Variants in SMARCAD1 observed in about 807,000 individuals in gnomAD.
SMARCAD1 encodes the protein SWI/SNF-related matrix-associated actin-dependent regulator of chromatin subfamily A containing DEAD/H box 1.
In SMARCAD1, 25 loss-of-function variants were observed where a neutral mutation model predicts 127.1. The ratio of observed to expected loss-of-function variants is 0.20; its 90% CI spans 0.14 to 0.27. The LOEUF (loss-of-function observed/expected upper bound fraction) is 0.27, where lower values mean the gene tolerates loss of function less well. Among genes scored for constraint, SMARCAD1 ranks in the 10% least tolerant of loss-of-function variants. The pLI is 1.00. For missense variants in SMARCAD1, 807 were observed against 1,206.0 expected (o/e 0.67, Z 4.90); for synonymous variants, 400 against 396.9 (o/e 1.01, Z -0.09).
At chr4:94,243,610 T>C (rs1747945860) in intron 6 of SMARCAD1, among the ~76,000 whole-genome samples, 1 of 152,208 alleles carries the variant, frequency 6.6e-6, no homozygotes, top group African/African-American at 2.4e-5. Context: ...CCAGTGTTAA[T>C]ACATTAGAGA....
Position 94,291,051 on chromosome 4 carries a change from C to A in SMARCAD1, c.*1517C>A, listed in dbSNP as rs887018678. On this transcript the variant is annotated 3_prime_UTR_variant, in exon 24 of 24. Coordinates refer to ENST00000354268, the MANE Select transcript of SMARCAD1 (RefSeq NM_020159.5). ...GAGTCTTCATGTGTTAATACTACCT[C>A]CTTGTACATCACTATACCCAAATCA... The A allele has an allele frequency of 2.3e-6, 1 of 441,976 alleles. No individual in the cohort carries two copies. Among genetic ancestry groups the A allele is most frequent in the South Asian group, 1.6e-5 (1 of 61,378 alleles). The allele number at this position is 441,976 out of a possible 1,614,324, so 27.4% of individuals were successfully genotyped here. A position where few individuals can be genotyped will look rare whatever the true frequency, so the allele number is the denominator to read the frequency against.
At chr4:94,249,901 A>G in intron 7 of SMARCAD1, 146 bp downstream of exon 7, 1 of 628,792 alleles carries the variant, frequency 1.6e-6, no homozygotes, top group Non-Finnish European at 2.9e-6. Context: ...GTTATAAAGT[A>G]TTTTCATACT....
intron 6 of SMARCAD1, among the ~76,000 whole-genome samples, chr4:94,242,950 C>G (rs1747823631): frequency 6.6e-6 from 1 of 152,108 alleles, no homozygotes; most frequent in South Asian, 2.1e-4. Context: ...TTTCTTCCCT[C>G]TTTATCAGGT....
At chr4:94,249,974 T>TA (rs1749036575) in intron 7 of SMARCAD1, among the ~76,000 whole-genome samples, 1 of 151,958 alleles carries the variant, frequency 6.6e-6, no homozygotes, top group Admixed American at 6.6e-5. Context: ...CCTAAGTCAT[T>TA]AAAAAATAAC....
Position 94,283,175 on chromosome 4 carries a change from A to G in SMARCAD1, c.2781A>G (p.Leu927=), listed in dbSNP as rs776700712. 1 of 1,613,786 alleles carries G rather than the reference A, an allele frequency of 6.2e-7. No homozygotes were observed. Among genetic ancestry groups the G allele is most frequent in the East Asian group, 2.2e-5 (1 of 44,780 alleles). Residue 927 remains leucine (L), a synonymous_variant, in exon 22 of 24, where the codon CTA becomes CTG. Coordinates refer to ENST00000354268, the MANE Select transcript of SMARCAD1 (RefSeq NM_020159.5). ...NTDMDIFVFL[L]STKAGGLGIN... ...ATATGGATATCTTTGTGTTTCTGCT[A>G]TCAACAAAAGCTGGTGGATTAGGAA... is the stretch of plus-strand genomic sequence containing the variant.
intron 2 of SMARCAD1, among the ~76,000 whole-genome samples, chr4:94,209,357 A>G (rs1006370984): frequency 1.3e-5 from 2 of 152,256 alleles, no homozygotes; most frequent in African/African-American, 4.8e-5. Flanking sequence ...CAGAGAGGTT[A>G]TTAGGAACTT....
chr4:94,252,702 A>G lies in SMARCAD1; in HGVS notation c.976A>G (p.Thr326Ala). The change falls in exon 9 of 24, where the codon ACA becomes GCA. Residue 326 changes from threonine (T) to alanine (A), a missense_variant. Coordinates refer to ENST00000354268, the MANE Select transcript of SMARCAD1 (RefSeq NM_020159.5). ...AAATTACCCTAAAAATGCAACTAAA[A>G]CAAAACTAAAACAGAAATTTTCAAT... ...SQNYPKNATK[T>A]KLKQKFSMKA... is the part of the protein sequence containing the mutation. The G allele has an allele frequency of 1.3e-6, 2 of 1,591,844 alleles. No individual in the cohort carries two copies. Among genetic ancestry groups the G allele is most frequent in the South Asian group, 1.2e-5 (1 of 86,076 alleles).
chr4:94,232,957 G>A (rs570748626), intron 3 of SMARCAD1, among the ~76,000 whole-genome samples: 1 of 152,280 alleles, frequency 6.6e-6, no homozygotes, highest in South Asian at 2.1e-4. Flanking sequence ...ACCAGTCTGG[G>A]TGACAGAGTG....
At chr4:94,269,875 G>A (rs1470399972) in intron 10 of SMARCAD1, among the ~76,000 whole-genome samples, 2 of 151,866 alleles carry the variant, frequency 1.3e-5, no homozygotes, top group African/African-American at 4.8e-5. Context: ...TTTTGTCAAT[G>A]TTGCCCAGGC....
chr4:94,272,876 A>C (rs1473287051), intron 11 of SMARCAD1, among the ~76,000 whole-genome samples: 2 of 151,704 alleles, frequency 1.3e-5, no homozygotes, highest in African/African-American at 4.8e-5. Context: ...GCGCACTCTC[A>C]GCTCACTGCA....
At chr4:94,228,461 A>G (rs756317492) in intron 3 of SMARCAD1, among the ~76,000 whole-genome samples, 1 of 152,184 alleles carries the variant, frequency 6.6e-6, no homozygotes, top group Non-Finnish European at 1.5e-5. Flanking sequence ...AGAAATACCA[A>G]TTAACACTAG....
chr4:94,223,494 A>AAAAT (rs572759566), intron 2 of SMARCAD1, among the ~76,000 whole-genome samples: 3 of 152,244 alleles, frequency 2.0e-5, no homozygotes, highest in Admixed American at 6.5e-5. Context: ...CTCTGTCTCA[A>AAAAT]AAATAAATAA....
At chr4:94,263,447 G>T (rs1382584064) in intron 9 of SMARCAD1, among the ~76,000 whole-genome samples, 1 of 151,992 alleles carries the variant, frequency 6.6e-6, no homozygotes, top group African/African-American at 2.4e-5. Flanking sequence ...TTTTGTCCCT[G>T]TGAAAAATAT....
intron 2 of SMARCAD1, chr4:94,212,937 C>T (rs1742516865): frequency 1.9e-6 from 1 of 537,832 alleles, no homozygotes; most frequent in Non-Finnish European, 3.3e-6. Flanking sequence ...TTAACCTCTG[C>T]CCCCTGATTT....
At chr4:94,242,042 G>A (rs1016831029) in intron 6 of SMARCAD1, among the ~76,000 whole-genome samples, 1 of 150,880 alleles carries the variant, frequency 6.6e-6, no homozygotes, top group African/African-American at 2.4e-5. Flanking sequence ...TTTTTGTTTT[G>A]TTTTGCTTTT....
intron 22 of SMARCAD1, among the ~76,000 whole-genome samples, chr4:94,284,349 A>AAAAG (rs1754585488): frequency 1.0e-5 from 1 of 99,966 alleles, no homozygotes; most frequent in African/African-American, 3.0e-5. Flanking sequence ...AAAAAAAAAA[A>AAAAG]AAAAGAAAAA....
chr4:94,213,112 A>T, intron 2 of SMARCAD1: 1 of 1,287,594 alleles, frequency 7.8e-7, no homozygotes. Context: ...AAGAATAAAA[A>T]TGAGTGAAGC....
At chr4:94,237,093 C>A in intron 5 of SMARCAD1, 75 bp downstream of exon 5, 1 of 1,180,028 alleles carries the variant, frequency 8.5e-7, no homozygotes, top group Non-Finnish European at 1.3e-6. Flanking sequence ...ATTAATATTG[C>A]TCCACAGTTT....
At chr4:94,225,134 T>G (rs184736007) in intron 2 of SMARCAD1, among the ~76,000 whole-genome samples, 4 of 152,352 alleles carry the variant, frequency 2.6e-5, no homozygotes, top group Non-Finnish European at 5.9e-5. Flanking sequence ...ATTGACCTGT[T>G]TTTGAACAGA....
Sources: gnomAD v4.1 joint callset for allele counts (sites outside exome capture counted in the v4.1 genomes callset) on GRCh38, gnomAD v4.1.1 for gene constraint, MANE v1.5 for transcripts, NCBI Gene and HGNC (gene_info 2026-07-23, HGNC 2026-07-21) for gene names.